LRMDA: variants seen among roughly 807,000 people sequenced by gnomAD.
LRMDA encodes the protein leucine-rich melanocyte differentiation-associated protein.
A neutral mutation model predicts 29.8 loss-of-function variants in LRMDA; 18 were observed. The ratio of observed to expected loss-of-function variants is 0.60; its 90% CI spans 0.42 to 0.90. LRMDA has a LOEUF of 0.90. Ranked by LOEUF, LRMDA falls within the 40% of genes least tolerant of loss-of-function variation. LRMDA has a pLI of 0.00. For missense variants in LRMDA, 273 were observed against 273.9 expected (o/e 1.00, Z 0.02); for synonymous variants, 125 against 109.4 (o/e 1.14, Z -0.89).
At chr10:75,896,198 T>C (rs1348744907) in intron 2 of LRMDA, among the ~76,000 whole-genome samples, 1 of 152,170 alleles carries the variant, frequency 6.6e-6, no homozygotes, top group African/African-American at 2.4e-5. Flanking sequence ...AGTACTTTGG[T>C]GTTAGTGGGT....
chr10:76,053,560 C>A (rs570296577), intron 4 of LRMDA, among the ~76,000 whole-genome samples: 3 of 152,246 alleles, frequency 2.0e-5, no homozygotes, highest in Admixed American at 1.3e-4. Context: ...CCTTTTGACA[C>A]CCTGACATGA....
At chr10:76,217,612 G>T (rs1851751854) in intron 5 of LRMDA, among the ~76,000 whole-genome samples, 1 of 152,196 alleles carries the variant, frequency 6.6e-6, no homozygotes, top group Non-Finnish European at 1.5e-5. Context: ...AAGAAGAAGA[G>T]AATGTTATTT....
intron 2 of LRMDA, among the ~76,000 whole-genome samples, chr10:75,530,522 C>T (rs1436043620): frequency 6.6e-6 from 1 of 152,166 alleles, no homozygotes; most frequent in East Asian, 1.9e-4. Context: ...TTGACTCATC[C>T]CTGATGTTTC....
chr10:75,859,880 G>A (rs554311263), intron 2 of LRMDA, among the ~76,000 whole-genome samples: 1 of 151,848 alleles, frequency 6.6e-6, no homozygotes, highest in African/African-American at 2.4e-5. Flanking sequence ...TACCTTTTAG[G>A]CCTTGATCCA....
intron 2 of LRMDA, among the ~76,000 whole-genome samples, chr10:75,664,533 G>A (rs1039422026): frequency 6.6e-6 from 1 of 152,154 alleles, no homozygotes; most frequent in African/African-American, 2.4e-5. Flanking sequence ...AGGAAGAGGA[G>A]TCAGGAGGGA....
At chr10:75,787,638 C>A (rs1396316808) in intron 2 of LRMDA, among the ~76,000 whole-genome samples, 5 of 152,130 alleles carry the variant, frequency 3.3e-5, no homozygotes, top group African/African-American at 1.2e-4. Flanking sequence ...ATTTTGTAAA[C>A]AATGCTGGAA....
chr10:75,444,190 C>G (rs548745690), intron 2 of LRMDA, among the ~76,000 whole-genome samples: 56 of 152,198 alleles, frequency 3.7e-4, no homozygotes, highest in Non-Finnish European at 7.2e-4. Context: ...CCTGCATTAA[C>G]TATGGCAAAT....
chr10:76,202,296 A>G lies in LRMDA; in HGVS notation c.517-122105A>G, dbSNP rs190980203. Among the ~76,000 whole-genome samples the G allele has an allele frequency of 2.8e-4, 43 of 152,164 alleles. 1 individual carries two copies. The highest frequency in any genetic ancestry group is 2.2e-3 in the Admixed American group (33 of 15,284). On this transcript the variant is annotated intron_variant, in intron 5 of 6. Coordinates refer to ENST00000611255, the MANE Select transcript of LRMDA (RefSeq NM_001305581.2). ...CACATCAAGTTTTCCTTTCCTTCCA[A>G]ACTTTTTGAGTGAAGTTCTAATGCC...
At chr10:76,326,177 G>T (rs1840831592) in intron 6 of LRMDA, among the ~76,000 whole-genome samples, 2 of 152,144 alleles carry the variant, frequency 1.3e-5, no homozygotes, top group African/African-American at 4.8e-5. Flanking sequence ...GCCATAAGGA[G>T]ACCAATAGAG....
At chr10:76,094,394 T>G (rs1849281343) in intron 5 of LRMDA, among the ~76,000 whole-genome samples, 1 of 152,222 alleles carries the variant, frequency 6.6e-6, no homozygotes, top group Non-Finnish European at 1.5e-5. Flanking sequence ...TATATATTTA[T>G]GAAGTATAAA....
chr10:76,320,092 T>C (rs2758962), intron 5 of LRMDA, among the ~76,000 whole-genome samples: 93,217 of 152,068 alleles, frequency 0.61, 32,097 homozygotes, highest in Non-Finnish European at 0.81. Flanking sequence ...TTATCAGTTT[T>C]GGTAATCACC....
intron 2 of LRMDA, among the ~76,000 whole-genome samples, chr10:75,464,190 C>G (rs1275152978): frequency 1.3e-5 from 2 of 152,330 alleles, no homozygotes; most frequent in East Asian, 1.9e-4. Flanking sequence ...TGATTTTTCT[C>G]TAGTTCTCTG....
chr10:75,523,684 A>G (rs1845385793), intron 2 of LRMDA, among the ~76,000 whole-genome samples: 1 of 152,188 alleles, frequency 6.6e-6, no homozygotes, highest in Non-Finnish European at 1.5e-5. Context: ...GCATAACCTG[A>G]AACTGTCCCA....
At chr10:75,918,715 A>T (rs1417478420) in intron 2 of LRMDA, among the ~76,000 whole-genome samples, 2 of 152,220 alleles carry the variant, frequency 1.3e-5, no homozygotes, top group Admixed American at 6.5e-5. Context: ...AGCAATGTGG[A>T]GAATCAAGCC....
chr10:76,123,373 G>A (rs1468407652), intron 5 of LRMDA, among the ~76,000 whole-genome samples: 21 of 151,924 alleles, frequency 1.4e-4, no homozygotes. Flanking sequence ...GCCAGGTATG[G>A]CGGCTCACAC....
chr10:75,514,859 T>C (rs1022002705), intron 2 of LRMDA, among the ~76,000 whole-genome samples: 2 of 151,868 alleles, frequency 1.3e-5, no homozygotes, highest in Admixed American at 6.6e-5. Flanking sequence ...TGTTCCTTTA[T>C]AACAATACAA....
chr10:75,598,020 C>T (rs1306559087), intron 2 of LRMDA, among the ~76,000 whole-genome samples: 7 of 152,096 alleles, frequency 4.6e-5, no homozygotes, highest in Non-Finnish European at 7.4e-5. Flanking sequence ...GCTCAGTTCT[C>T]GGGGTTTGCT....
At chr10:76,327,382 C>T (rs1589429012) in intron 6 of LRMDA, among the ~76,000 whole-genome samples, 1 of 152,246 alleles carries the variant, frequency 6.6e-6, no homozygotes, top group Non-Finnish European at 1.5e-5. Context: ...TGAGCCACCA[C>T]GCCCAGCCTC....
In LRMDA at chr10:76,496,811, A is replaced by G. The variant is rs1246039144; in HGVS notation, c.602-60398A>G. Among the ~76,000 whole-genome samples, 10 of 75,112 alleles carry G rather than the reference A, an allele frequency of 1.3e-4. 2 individuals carry two copies. Among genetic ancestry groups the G allele is most frequent in the African/African-American group, 3.2e-4 (10 of 30,792 alleles). 49.3% of individuals were successfully genotyped at this position (75,112 alleles called of 152,430 possible). ...GTTTGTCATGCCAAAGAGAATCTGC[A>G]TGTGTGACTAATAAGTCAGCATTTC... is the stretch of plus-strand genomic sequence containing the variant. On this transcript the variant is annotated intron_variant, in intron 6 of 6. Coordinates refer to ENST00000611255, the MANE Select transcript of LRMDA (RefSeq NM_001305581.2).
Sources: allele counts gnomAD v4.1 joint callset (sites outside exome capture counted in the v4.1 genomes callset), GRCh38; gene constraint gnomAD v4.1.1; transcripts MANE v1.5; gene names NCBI Gene and HGNC (gene_info 2026-07-23, HGNC 2026-07-21).